The following KYNU variants were observed in gnomAD, a reference collection of about 807,000 sequenced individuals.
The protein encoded by KYNU is kynureninase, also known as L-kynurenine hydrolase.
Under a neutral mutation model 59.2 loss-of-function variants are expected in KYNU, and 54 were observed. That is an observed-to-expected ratio of 0.91 (90% CI 0.73 to 1.14). KYNU has a LOEUF of 1.14. KYNU is among the 50% of genes most tolerant of loss of function. The pLI is 0.00. For synonymous variants in KYNU, 177 were observed against 192.0 expected (o/e 0.92, Z 0.65); for missense variants, 567 against 554.4 (o/e 1.02, Z -0.23).
chr2:142,928,442 C>T (rs1363194827), intron 4 of KYNU, among the ~76,000 whole-genome samples: 1 of 152,094 alleles, frequency 6.6e-6, no homozygotes, highest in Admixed American at 6.6e-5. Context: ...TTAGGGAAAA[C>T]TCAAGTTTTC....
chr2:142,943,118 C>A (rs773403843), intron 4 of KYNU, among the ~76,000 whole-genome samples: 6 of 152,172 alleles, frequency 3.9e-5, no homozygotes, highest in Non-Finnish European at 8.8e-5. Context: ...GCACTGGCTG[C>A]AACCAATTAT....
Position 142,977,507 on chromosome 2 carries a change from G to A in KYNU, c.730-7577G>A, listed in dbSNP as rs575136013. 2.6e-3 allele frequency among the ~76,000 whole-genome samples: 394 copies of A among 151,952 alleles called. 2 individuals carry two copies. The highest frequency in any genetic ancestry group is 9.3e-3 in the South Asian group (45 of 4,814). ...AACGTAAGCTTTGGTTCTGGTTGCC[G>A]TGTGACATGATTTCTACTAAATTTC... On this transcript the variant is annotated intron_variant, in intron 8 of 13. Transcript: ENST00000264170.
chr2:143,014,340 T>C (rs577986766), intron 10 of KYNU, among the ~76,000 whole-genome samples: 1 of 152,344 alleles, frequency 6.6e-6, no homozygotes, highest in South Asian at 2.1e-4. Context: ...CTGAATCAGG[T>C]ATGAATCTCA....
intron 4 of KYNU, among the ~76,000 whole-genome samples, chr2:142,939,602 C>CAAAA (rs71301737): frequency 0.18 from 11,680 of 64,772 alleles, 1,440 homozygotes; most frequent in South Asian, 0.24. Flanking sequence ...CTCCATCTCA[C>CAAAA]AAAAAAAAAA....
chr2:142,985,879 A>G, intron 9 of KYNU, 69 bp from the exon 10 acceptor site: 1 of 1,034,214 alleles, frequency 9.7e-7, no homozygotes, highest in Non-Finnish European at 1.5e-6. Flanking sequence ...AAAAATTCAA[A>G]TGACTACATT....
At chr2:142,918,574 T>C (rs770208358) in intron 2 of KYNU, 35 bp from the exon 3 acceptor site, 2 of 468,984 alleles carry the variant, frequency 4.3e-6, no homozygotes, top group Non-Finnish European at 5.5e-6. Context: ...AAGCTTTTAT[T>C]TTTTTTTTTT....
intron 4 of KYNU, among the ~76,000 whole-genome samples, chr2:142,939,631 A>G (rs1374335813): frequency 4.6e-5 from 7 of 151,424 alleles, no homozygotes; most frequent in East Asian, 3.9e-4. Context: ...AAGAAAAAAG[A>G]AAAAGAAAAG....
chr2:142,985,033 T>C (rs1458998519), intron 8 of KYNU, 51 bp from the exon 9 acceptor site: 2 of 1,036,294 alleles, frequency 1.9e-6, no homozygotes, highest in Non-Finnish European at 3.1e-6. Flanking sequence ...TTGTACTTAT[T>C]ATTTCTAATC....
intron 2 of KYNU, among the ~76,000 whole-genome samples, chr2:142,886,334 G>C (rs766593557): frequency 6.6e-6 from 1 of 152,084 alleles, no homozygotes; most frequent in African/African-American, 2.4e-5. Flanking sequence ...AGCCATGAAG[G>C]TCAGCTAATA....
chr2:142,907,523 G>C (rs1682341005), intron 2 of KYNU, among the ~76,000 whole-genome samples: 1 of 152,066 alleles, frequency 6.6e-6, no homozygotes, highest in Admixed American at 6.5e-5. Flanking sequence ...GTTGTGGATG[G>C]TGAGCGAAAG....
intron 11 of KYNU, among the ~76,000 whole-genome samples, chr2:143,031,080 T>C (rs1686725217): frequency 6.6e-6 from 1 of 152,190 alleles, no homozygotes; most frequent in Non-Finnish European, 1.5e-5. Flanking sequence ...GTCAAACCAT[T>C]GTTAAGTCAG....
In KYNU at chr2:143,038,976, G is replaced by A. The variant is rs530810696; in HGVS notation, c.1042-1452G>A. ...CAGTTCATTTAGTTCTTATACATAG[G>A]ATATATTTTTACACTCTACTTGACC... On this transcript the variant is annotated intron_variant, in intron 12 of 13. Transcript: ENST00000264170. Among the ~76,000 whole-genome samples, 10 of 152,164 alleles carry A rather than the reference G, an allele frequency of 6.6e-5. 1 individual carries two copies. The highest frequency in any genetic ancestry group is 2.2e-4 in the African/African-American group (9 of 41,532).
intron 11 of KYNU, among the ~76,000 whole-genome samples, chr2:143,032,201 C>A (rs1324607371): frequency 6.6e-6 from 1 of 152,072 alleles, no homozygotes; most frequent in African/African-American, 2.4e-5. Context: ...TGGCGTGAAC[C>A]CGTGAGGCGG....
rs960835921 is a variant in KYNU, at chr2:143,013,296, C to CTT, written c.903-16330_903-16329insTT. 5.5e-3 allele frequency among the ~76,000 whole-genome samples: 659 copies of CTT among 120,738 alleles called. 5 individuals are homozygous for CTT. The highest frequency in any genetic ancestry group is 0.023 in the African/African-American group (631 of 27,482). 79.2% of individuals were successfully genotyped at this position (120,738 alleles called of 152,430 possible). On this transcript the variant is annotated intron_variant, in intron 10 of 13. Transcript: ENST00000264170. ...TCTCTCTCTGTTTCTCTGTCTCTTT[C>CTT]TCTGTGTGTGTGTGTGTGTGTGTCC... is the stretch of plus-strand genomic sequence containing the variant.
chr2:142,943,722 A>T (rs532524224), intron 4 of KYNU, among the ~76,000 whole-genome samples: 1 of 152,254 alleles, frequency 6.6e-6, no homozygotes, highest in Non-Finnish European at 1.5e-5. Flanking sequence ...TCCGTGGCTG[A>T]CCCTCAGAGA....
At chr2:142,902,588 G>A (rs1682140344) in intron 2 of KYNU, among the ~76,000 whole-genome samples, 1 of 152,206 alleles carries the variant, frequency 6.6e-6, no homozygotes, top group African/African-American at 2.4e-5. Context: ...TTCTTACTGA[G>A]GGCCCTGGTG....
intron 12 of KYNU, among the ~76,000 whole-genome samples, chr2:143,037,513 C>T (rs190720751): frequency 1.6e-4 from 25 of 152,210 alleles, no homozygotes; most frequent in Admixed American, 1.4e-3. Flanking sequence ...ATGTACTATA[C>T]GTTTCCTTTC....
intron 10 of KYNU, among the ~76,000 whole-genome samples, chr2:142,988,617 G>C (rs1257704479): frequency 2.0e-5 from 3 of 151,888 alleles, no homozygotes; most frequent in Non-Finnish European, 4.4e-5. Flanking sequence ...GTTATTAGCT[G>C]TTGTTGCATT....
chr2:142,956,054 TTGAAA>T, intron 5 of KYNU, 144 bp from the exon 6 acceptor site: 1 of 529,516 alleles, frequency 1.9e-6, no homozygotes, highest in Non-Finnish European at 3.3e-6. Flanking sequence ...ACATGGCTAA[TTGAAA>T]AGGTAGTCCT....
Sources: gnomAD v4.1 joint callset for allele counts (sites outside exome capture counted in the v4.1 genomes callset) on GRCh38, gnomAD v4.1.1 for gene constraint, MANE v1.5 for transcripts, NCBI Gene and HGNC (gene_info 2026-07-23, HGNC 2026-07-21) for gene names.